Variants in NBDY observed in about 807,000 individuals in gnomAD.
NBDY encodes the protein P-body dissociating protein.
At chrX:56,765,568 C>T (rs762191024) in intron 2 of NBDY, among the ~76,000 whole-genome samples, 1 of 111,652 alleles carries the variant, frequency 9.0e-6, no homozygotes, top group Non-Finnish European at 1.9e-5. Flanking sequence ...TGTCACCACG[C>T]GTTGAGGCCC....
At chrX:56,767,571 G>A (rs1414636503) in intron 2 of NBDY, among the ~76,000 whole-genome samples, 1 of 113,248 alleles carries the variant, frequency 8.8e-6, no homozygotes, top group African/African-American at 3.2e-5. Flanking sequence ...GAGCTCGGCG[G>A]GCCCCGCACT....
intron 2 of NBDY, among the ~76,000 whole-genome samples, chrX:56,800,099 G>A (rs1471845551): frequency 9.0e-6 from 1 of 111,667 alleles, no homozygotes; most frequent in Non-Finnish European, 1.9e-5. Context: ...TGCCTGCCTA[G>A]GGAAAACATA....
chrX:56,790,349 A>G (rs1411926690), intron 2 of NBDY, among the ~76,000 whole-genome samples: 1 of 111,817 alleles, frequency 8.9e-6, no homozygotes, highest in African/African-American at 3.3e-5. Flanking sequence ...AATTCACCCC[A>G]TGGGTATTGA....
intron 2 of NBDY, among the ~76,000 whole-genome samples, chrX:56,793,265 C>T (rs1345023273): frequency 1.8e-5 from 2 of 112,223 alleles, no homozygotes; most frequent in South Asian, 3.7e-4. Context: ...TGATCCCAGT[C>T]CTCCTGTGGT....
intron 2 of NBDY, among the ~76,000 whole-genome samples, chrX:56,787,110 T>C (rs1403973693): frequency 9.0e-6 from 1 of 111,317 alleles, no homozygotes; most frequent in Non-Finnish European, 1.9e-5. Context: ...GATTTCAGTG[T>C]GTGCAGGCAG....
chrX:56,810,238 T>C (rs1368775600), intron 2 of NBDY, among the ~76,000 whole-genome samples: 1 of 111,432 alleles, frequency 9.0e-6, no homozygotes, highest in East Asian at 2.8e-4. Context: ...GGGGTTGCTC[T>C]TCTCGAGGAG....
chrX:56,748,619 G>A (rs975605091), intron 2 of NBDY, among the ~76,000 whole-genome samples: 1 of 108,147 alleles, frequency 9.2e-6, no homozygotes, highest in Non-Finnish European at 1.9e-5. Context: ...AGATAAAGGA[G>A]TAATAGGATG....
At chrX:56,752,680 G>A (rs2069591487) in intron 2 of NBDY, among the ~76,000 whole-genome samples, 1 of 111,288 alleles carries the variant, frequency 9.0e-6, no homozygotes, top group African/African-American at 3.3e-5. Flanking sequence ...CAAGATCTCA[G>A]CTCACTGCAA....
At chrX:56,788,225 C>CT (rs1404227820) in intron 2 of NBDY, among the ~76,000 whole-genome samples, 5 of 112,499 alleles carry the variant, frequency 4.4e-5, no homozygotes, top group South Asian at 3.7e-4. Context: ...TTCTCCTTAT[C>CT]TTTTTTATTT....
intron 2 of NBDY, among the ~76,000 whole-genome samples, chrX:56,798,258 C>T (rs1292582692): frequency 9.8e-5 from 11 of 112,016 alleles, no homozygotes; most frequent in African/African-American, 3.2e-5. Context: ...TGGGTCAACC[C>T]GCTTAAAAAC....
At chrX:56,765,702 TCTC>T in intron 2 of NBDY, among the ~76,000 whole-genome samples, 1 of 110,245 alleles carries the variant, frequency 9.1e-6, no homozygotes, top group Non-Finnish European at 1.9e-5. Flanking sequence ...TTCTCCTCCT[TCTC>T]CTCTTGCTCC....
chrX:56,798,450 G>A (rs1022930431), intron 2 of NBDY, among the ~76,000 whole-genome samples: 1 of 111,475 alleles, frequency 9.0e-6, no homozygotes, highest in African/African-American at 3.3e-5. Context: ...GAGTTGCTGA[G>A]TGTGCTTTCT....
intron 2 of NBDY, among the ~76,000 whole-genome samples, chrX:56,800,009 T>C (rs1444599756): frequency 9.2e-6 from 1 of 108,954 alleles, no homozygotes; most frequent in Non-Finnish European, 1.9e-5. Context: ...GGGGGAGGGG[T>C]GTGTGGGTGT....
At chrX:56,756,034 CA>C (rs1170235982) in intron 2 of NBDY, among the ~76,000 whole-genome samples, 1 of 105,130 alleles carries the variant, frequency 9.5e-6, no homozygotes, top group Non-Finnish European at 1.9e-5. Flanking sequence ...AGTAAACTAT[CA>C]TAAGGACAAA....
At chrX:56,791,132 A>G (rs1217011243) in intron 2 of NBDY, among the ~76,000 whole-genome samples, 1 of 112,361 alleles carries the variant, frequency 8.9e-6, no homozygotes, top group Non-Finnish European at 1.9e-5. Context: ...CTCCGTGTAC[A>G]TTTGGAGTTT....
chrX:56,745,470 G>A (rs924811202), intron 2 of NBDY, among the ~76,000 whole-genome samples: 12 of 110,179 alleles, frequency 1.1e-4, no homozygotes, highest in African/African-American at 4.0e-4. Flanking sequence ...GAAGTAACTT[G>A]CAGATATCAT....
At chrX:56,737,411 T>G (rs2069501604) in intron 2 of NBDY, 1 of 648,023 alleles carries the variant, frequency 1.5e-6, no homozygotes, top group South Asian at 2.2e-5. Context: ...CCTGTCATTA[T>G]AAAGGTTCTC....
At chrX:56,755,738 C>T (rs1367969271) in intron 2 of NBDY, among the ~76,000 whole-genome samples, 1 of 109,549 alleles carries the variant, frequency 9.1e-6, no homozygotes, top group African/African-American at 3.3e-5. Context: ...TGTGGTGATT[C>T]CTCAGGGATC....
At chrX:56,755,442 A>G (rs1452120908) in intron 2 of NBDY, among the ~76,000 whole-genome samples, 1 of 112,326 alleles carries the variant, frequency 8.9e-6, no homozygotes, top group Non-Finnish European at 1.9e-5. Flanking sequence ...ACAAATTTAC[A>G]AGGAAAAAAC....
Sources: allele counts gnomAD v4.1 joint callset (sites outside exome capture counted in the v4.1 genomes callset), GRCh38; gene constraint gnomAD v4.1.1; transcripts MANE v1.5; gene names NCBI Gene and HGNC (gene_info 2026-07-23, HGNC 2026-07-21).